PRPF8: variants seen among roughly 807,000 people sequenced by gnomAD.
The protein encoded by PRPF8 is pre-mRNA processing factor 8.
In PRPF8, 64 loss-of-function variants were observed where a neutral mutation model predicts 285.9. The observed-to-expected ratio is 0.22, with a 90% CI of 0.18 to 0.28. The LOEUF is 0.28. Ranked by LOEUF, PRPF8 falls within the 10% of genes least tolerant of loss-of-function variation. The pLI is 1.00. For synonymous variants in PRPF8, 1,325 were observed against 1,118.2 expected, an observed-to-expected ratio of 1.18 and a Z score of -3.69; for missense variants, 1,426 against 3,026.7, an observed-to-expected ratio of 0.47 and a Z score of 12.41.
chr17:1,680,117 C>G (rs1912823490), intron 8 of PRPF8, among the ~76,000 whole-genome samples: 1 of 152,134 alleles, frequency 6.6e-6, no homozygotes, highest in African/African-American at 2.4e-5. Context: ...GGCTTGGACA[C>G]AACGGAACAC....
Position 1,651,455 on chromosome 17 carries a change from G to A in PRPF8, c.6609C>T (p.Asn2203=), listed in dbSNP as rs146723312. The A allele has an allele frequency of 1.9e-6, 3 of 1,614,074 alleles. No homozygotes were observed. The highest frequency in any genetic ancestry group is 2.5e-6 in the Non-Finnish European group (3 of 1,180,034). ...VTTHAKIMAD[N]PSWDGEKTII... is the part of the protein sequence containing the mutation. ...TGGTCTTCTCGCCATCCCAAGATGG[G>A]TTGTCAGCCATGATCTTGGCATGGG... The change falls in exon 41 of 43, where the codon AAC becomes AAT. Residue 2203 remains asparagine, a synonymous_variant. Coordinates refer to ENST00000304992, the MANE Select transcript of PRPF8 (RefSeq NM_006445.4). This position sits in a 1 kb window ranked among gnomAD's most constrained non-coding sequence, Gnocchi z 5.1.
intron 37 of PRPF8, 149 bp downstream of exon 37, chr17:1,655,201 A>G (rs1388441118): frequency 1.3e-6 from 1 of 787,928 alleles, no homozygotes; most frequent in East Asian, 2.7e-5. Flanking sequence ...CAAATGATCT[A>G]CCCACCTTGG....
At chr17:1,657,441 T>C (rs28708933) in intron 34 of PRPF8, among the ~76,000 whole-genome samples, 28,934 of 151,774 alleles carry the variant, frequency 0.19, 5,729 homozygotes, top group African/African-American at 0.51. Flanking sequence ...GTCAGGAGAT[T>C]GAGACCATCC....
chr17:1,656,274 G>GACTAT, intron 36 of PRPF8, 118 bp downstream of exon 36: 2 of 1,295,982 alleles, frequency 1.5e-6, no homozygotes, highest in Non-Finnish European at 2.2e-6. Context: ...AAAGTCAACA[G>GACTAT]AGTTCCCACC....
chr17:1,674,635 A>C lies in PRPF8; in HGVS notation c.3106T>G (p.Phe1036Val). 1 of 1,614,120 alleles carries C rather than the reference A, an allele frequency of 6.2e-7. No homozygotes were observed. Among genetic ancestry groups the C allele is most frequent in the Non-Finnish European group, 8.5e-7 (1 of 1,180,028 alleles). Residue 1036 changes from phenylalanine to valine, a missense_variant, in exon 21 of 43, where the codon TTT becomes GTT. Coordinates refer to ENST00000304992, the MANE Select transcript of PRPF8 (RefSeq NM_006445.4). The part of the protein sequence containing the change: ...NSYGIIRGLQ[F>V]ASFIVQYYGL... Reference sequence around the variant, plus strand: ...TAATACTGCACGATGAATGAGGCAAACTGCAGGCCTCTGATGATCCCATAT... The same window carrying C: ...TAATACTGCACGATGAATGAGGCAACCTGCAGGCCTCTGATGATCCCATAT...
At chr17:1,678,186 G>A (rs1231912275) in intron 13 of PRPF8, among the ~76,000 whole-genome samples, 4 of 152,134 alleles carry the variant, frequency 2.6e-5, no homozygotes, top group South Asian at 4.1e-4. Flanking sequence ...ATGGTGGTGC[G>A]CGCCTGTAGT....
chr17:1,681,345 T>A, intron 6 of PRPF8, 133 bp downstream of exon 6: 4 of 1,115,740 alleles, frequency 3.6e-6, no homozygotes, highest in Non-Finnish European at 4.1e-6. Flanking sequence ...CTTCCCAAAG[T>A]GCTGAGATTA....
intron 39 of PRPF8, chr17:1,652,113 C>G (rs1024107382): frequency 8.6e-6 from 4 of 464,878 alleles, no homozygotes; most frequent in Admixed American, 3.4e-5. Context: ...CTGAAAACAT[C>G]TGGAAAACCA....
At chr17:1,683,787 AG>A in intron 2 of PRPF8, 86 bp from the exon 3 acceptor site, 2 of 1,520,658 alleles carry the variant, frequency 1.3e-6, no homozygotes, top group Non-Finnish European at 1.8e-6. Context: ...CCTGTCAGTG[AG>A]TGTGAGGGAG....
In PRPF8 at chr17:1,676,854, T is replaced by G; in HGVS notation, c.2181+122A>C. On this transcript the variant is annotated intron_variant, in intron 15 of 42. Coordinates refer to ENST00000304992, the MANE Select transcript of PRPF8 (RefSeq NM_006445.4). The surrounding 1 kb of genome is among the most constrained non-coding windows in gnomAD (Gnocchi z 6.3). ...AGCCTAAGCAACATGGTGCTTCTTT[T>G]CCCTGTCTAAAAGGGAAAAGAAAAG... is the stretch of plus-strand genomic sequence containing the variant. 6.7e-7 allele frequency: 1 copy of G among 1,485,692 alleles called. No homozygotes were observed. The highest frequency in any genetic ancestry group is 9.3e-7 in the Non-Finnish European group (1 of 1,074,950). The allele number at this position is 1,485,692 out of a possible 1,614,324, so 92.0% of individuals were successfully genotyped here. A position where few individuals can be genotyped will look rare whatever the true frequency, so the allele number is the denominator to read the frequency against.
intron 30 of PRPF8, 61 bp from the exon 31 acceptor site, chr17:1,660,062 G>T: frequency 6.4e-7 from 1 of 1,563,670 alleles, no homozygotes; most frequent in Non-Finnish European, 8.8e-7. Flanking sequence ...ATCAGAGTTT[G>T]TACAATAAGA....
chr17:1,673,686 G>T lies in PRPF8; in HGVS notation c.3446+60C>A. On this transcript the variant is annotated intron_variant, in intron 22 of 42. Transcript: ENST00000304992. This position sits in a 1 kb window ranked among gnomAD's most constrained non-coding sequence, Gnocchi z 5.5. ...CCACCCAGGACGCAGCCTCAGGTAT[G>T]CCCTCTCTGGGCCCTTAGCTTATGT... 1 of 1,612,368 alleles carries T rather than the reference G, an allele frequency of 6.2e-7. No homozygotes were observed. The highest frequency in any genetic ancestry group is 8.5e-7 in the Non-Finnish European group (1 of 1,179,346).
In PRPF8 at chr17:1,676,749, C is replaced by T; in HGVS notation, c.2182-38G>A. The T allele has an allele frequency of 6.2e-7, 1 of 1,606,894 alleles. No individual in the cohort carries two copies. The highest frequency in any genetic ancestry group is 2.2e-5 in the East Asian group (1 of 44,856). On this transcript the variant is annotated intron_variant, in intron 15 of 42. Coordinates refer to ENST00000304992, the MANE Select transcript of PRPF8 (RefSeq NM_006445.4). This position sits in a 1 kb window ranked among gnomAD's most constrained non-coding sequence, Gnocchi z 6.3. ...AAAGCACAATCAAGCCAGGATCCAG[C>T]CAGGCACTGTGGCACACATCTGTAG...
chr17:1,674,037 A>T (rs1010864490), intron 21 of PRPF8, 145 bp from the exon 22 acceptor site: 7 of 977,700 alleles, frequency 7.2e-6, no homozygotes, highest in Non-Finnish European at 1.1e-5. Context: ...TTATTTATTT[A>T]TTTTTTGAGA....
chr17:1,674,060 T>C (rs1405924903), intron 21 of PRPF8, among the ~76,000 whole-genome samples, 168 bp from the exon 22 acceptor site: 2 of 152,148 alleles, frequency 1.3e-5, no homozygotes, highest in Non-Finnish European at 2.9e-5. Flanking sequence ...GTCTCGCTCT[T>C]TCCCCAGGCT....
chr17:1,675,227 C>T lies in PRPF8; in HGVS notation c.2985G>A (p.Arg995=), dbSNP rs1912548251. 6.2e-7 allele frequency: 1 copy of T among 1,614,178 alleles called. No individual in the cohort carries two copies. The highest frequency in any genetic ancestry group is 1.3e-5 in the African/African-American group (1 of 75,044). ...TGTGGTCCACGATGAGGCGCAGCAG[C>T]CTGTTGAGCAGAGTCAAGTCGATCT... The part of the protein sequence containing the change: ...YEKIDLTLLN[R]LLRLIVDHNI... The change falls in exon 20 of 43, where the codon AGG becomes AGA. Residue 995 remains arginine, a synonymous_variant. Transcript: ENST00000304992. The surrounding 1 kb of genome is among the most constrained non-coding windows in gnomAD (Gnocchi z 6.0).
chr17:1,660,591 C>A lies in PRPF8; in HGVS notation c.4639-13G>T. 1 of 1,614,168 alleles carries A rather than the reference C, an allele frequency of 6.2e-7. No individual in the cohort carries two copies. Among genetic ancestry groups the A allele is most frequent in the East Asian group, 2.2e-5 (1 of 44,880 alleles). On this transcript the variant is annotated splice_polypyrimidine_tract_variant and intron_variant, in intron 29 of 42. Coordinates refer to ENST00000304992, the MANE Select transcript of PRPF8 (RefSeq NM_006445.4). ...AGCCTACATATACCTGCCAGGAAAA[C>A]GACAATGTGACATTAGAGATCAAGA...
intron 11 of PRPF8, 32 bp downstream of exon 11, chr17:1,678,985 C>G: frequency 6.2e-7 from 1 of 1,613,780 alleles, no homozygotes; most frequent in Non-Finnish European, 8.5e-7. Context: ...GTCCTTGAAG[C>G]CCAGGAGGCC....
chr17:1,650,767 G>A lies in PRPF8; in HGVS notation c.*35C>T. On this transcript the variant is annotated 3_prime_UTR_variant, in exon 43 of 43. Coordinates refer to ENST00000304992, the MANE Select transcript of PRPF8 (RefSeq NM_006445.4). ...CCTGTCTGGAGGGGCTGAGGCTTCGGCCTCGGGAGGCTGAAGCAGGAGGCA... is the reference window on the plus strand; with the variant it reads ...CCTGTCTGGAGGGGCTGAGGCTTCGACCTCGGGAGGCTGAAGCAGGAGGCA... 6.2e-7 allele frequency: 1 copy of A among 1,612,788 alleles called. No homozygotes were observed. The highest frequency in any genetic ancestry group is 8.5e-7 in the Non-Finnish European group (1 of 1,179,714).
Sources: gnomAD v4.1 joint callset for allele counts (sites outside exome capture counted in the v4.1 genomes callset) on GRCh38, gnomAD v4.1.1 for gene constraint, Gnocchi (gnomAD v3.1) non-coding constraint, MANE v1.5 for transcripts, NCBI Gene and HGNC (gene_info 2026-07-23, HGNC 2026-07-21) for gene names.